MGAT5B: variants seen among roughly 807,000 people sequenced by gnomAD.
MGAT5B encodes alpha-1,6-mannosylglycoprotein 6-beta-N-acetylglucosaminyltransferase B.
A neutral mutation model predicts 95.1 loss-of-function variants in MGAT5B; 54 were observed. The observed-to-expected ratio is 0.57, with a 90% CI of 0.46 to 0.71. The LOEUF (loss-of-function observed/expected upper bound fraction) is 0.71, where lower values mean the gene tolerates loss of function less well. MGAT5B is among the 30% of genes least tolerant of loss of function. MGAT5B has a pLI of 0.00. For missense variants in MGAT5B, 935 were observed against 1,088.6 expected (o/e 0.86, Z 1.99); for synonymous variants, 464 against 451.0 (o/e 1.03, Z -0.36).
intron 3 of MGAT5B, among the ~76,000 whole-genome samples, chr17:76,902,072 G>T (rs1371613738): frequency 1.3e-5 from 2 of 151,980 alleles, no homozygotes; most frequent in Non-Finnish European, 2.9e-5. Flanking sequence ...TTATGGGTAT[G>T]TGTGCAGTTG....
intron 3 of MGAT5B, among the ~76,000 whole-genome samples, chr17:76,898,933 T>C (rs551283794): frequency 2.6e-5 from 4 of 152,308 alleles, no homozygotes; most frequent in Admixed American, 6.5e-5. Context: ...GGCCAGCATC[T>C]GGTTCCACAC....
Position 76,905,372 on chromosome 17 carries a change from A to G in MGAT5B, c.855+39A>G. 1 of 1,525,714 alleles carries G rather than the reference A, an allele frequency of 6.6e-7. No homozygotes were observed. Among genetic ancestry groups the G allele is most frequent in the Non-Finnish European group, 8.8e-7 (1 of 1,132,104 alleles). 94.5% of individuals were successfully genotyped at this position (1,525,714 alleles called of 1,614,324 possible). A position where few individuals can be genotyped will look rare whatever the true frequency, so the allele number is the denominator to read the frequency against. ...GCCCCCTCATGTGCAGGAGCTGAGA[A>G]AGCTCAGGGCCCCCACTTCTGAGTG... On this transcript the variant is annotated intron_variant, in intron 7 of 17. Transcript: ENST00000569840. The surrounding 1 kb of genome is among the most constrained non-coding windows in gnomAD (Gnocchi z 4.2).
chr17:76,898,687 A>AT (rs1038311887), intron 3 of MGAT5B, among the ~76,000 whole-genome samples: 2 of 151,914 alleles, frequency 1.3e-5, no homozygotes, highest in African/African-American at 4.8e-5. Flanking sequence ...GTAGCTTAGT[A>AT]TTTTTTTTAT....
intron 8 of MGAT5B, among the ~76,000 whole-genome samples, chr17:76,909,583 G>A (rs1475083705): frequency 6.6e-6 from 1 of 152,202 alleles, no homozygotes; most frequent in Admixed American, 6.5e-5. Flanking sequence ...ACAGAGCCAT[G>A]GCAATCTTAG....
intron 15 of MGAT5B, among the ~76,000 whole-genome samples, chr17:76,942,690 G>A (rs1363289001): frequency 1.3e-5 from 2 of 152,216 alleles, no homozygotes; most frequent in Non-Finnish European, 2.9e-5. Context: ...GGAAAGAAGA[G>A]TGAAGGGGGT....
intron 3 of MGAT5B, among the ~76,000 whole-genome samples, chr17:76,897,585 T>C (rs1408327068): frequency 6.6e-6 from 1 of 152,140 alleles, no homozygotes; most frequent in African/African-American, 2.4e-5. Flanking sequence ...GTCATTGGAC[T>C]TAGGGTCAGC....
intron 12 of MGAT5B, among the ~76,000 whole-genome samples, chr17:76,934,777 A>G (rs540477059): frequency 4.5e-4 from 68 of 152,310 alleles, no homozygotes; most frequent in South Asian, 1.2e-3. Flanking sequence ...AGAGACCTCA[A>G]AGAAACTGCT....
chr17:76,871,423 C>T (rs987481467), intron 1 of MGAT5B, among the ~76,000 whole-genome samples: 2 of 152,180 alleles, frequency 1.3e-5, no homozygotes, highest in South Asian at 2.1e-4. Flanking sequence ...GTGTGGTCTT[C>T]GAGTCTCTCC....
intron 2 of MGAT5B, among the ~76,000 whole-genome samples, chr17:76,881,601 C>T (rs972501956): frequency 4.6e-5 from 7 of 152,198 alleles, no homozygotes; most frequent in Non-Finnish European, 1.0e-4. Flanking sequence ...GGCCCCGGGT[C>T]CTAGAGAGTT....
chr17:76,872,611 C>A, intron 1 of MGAT5B: 1 of 1,436,700 alleles, frequency 7.0e-7, no homozygotes, highest in South Asian at 1.5e-5. Context: ...CCTAAGTGTG[C>A]GTCATTCTGC....
At chr17:76,941,527 TC>T (rs1347999468) in intron 15 of MGAT5B, among the ~76,000 whole-genome samples, 2 of 152,316 alleles carry the variant, frequency 1.3e-5, no homozygotes, top group South Asian at 4.1e-4. Flanking sequence ...TTCTCCTGGA[TC>T]CCCTTCTTGC....
chr17:76,886,744 C>T (rs969632523), intron 3 of MGAT5B, among the ~76,000 whole-genome samples: 2 of 152,120 alleles, frequency 1.3e-5, no homozygotes, highest in African/African-American at 4.8e-5. Context: ...ACTTTGATGG[C>T]TCTAAAGACC....
At chr17:76,943,447 G>C (rs1404880196) in intron 15 of MGAT5B, among the ~76,000 whole-genome samples, 2 of 152,042 alleles carry the variant, frequency 1.3e-5, no homozygotes, top group African/African-American at 2.4e-5. Context: ...AGTCACCCGG[G>C]GGGAGGGCCT....
chr17:76,946,327 G>C (rs752372250), intron 15 of MGAT5B, 49 bp from the exon 16 acceptor site: 1 of 1,524,868 alleles, frequency 6.6e-7, no homozygotes. Flanking sequence ...CAGGGCCCCC[G>C]ACGGCTGGGC....
At chr17:76,935,879 T>TG (rs1567822939) in intron 12 of MGAT5B, among the ~76,000 whole-genome samples, 1 of 123,496 alleles carries the variant, frequency 8.1e-6, no homozygotes, top group South Asian at 2.4e-4. Context: ...ATTATATATA[T>TG]TATATATTAT....
intron 8 of MGAT5B, chr17:76,923,832 G>A (rs183172259): frequency 4.6e-5 from 7 of 152,336 alleles, no homozygotes; most frequent in Admixed American, 4.6e-4. Flanking sequence ...GGGGTGTTTG[G>A]GGAAGCGGGT....
intron 3 of MGAT5B, among the ~76,000 whole-genome samples, chr17:76,893,475 T>A (rs1303823561): frequency 6.6e-6 from 1 of 152,218 alleles, no homozygotes; most frequent in South Asian, 2.1e-4. Flanking sequence ...GTTCACAGCC[T>A]TCCTCTCTTA....
At chr17:76,911,432 G>T (rs1364082395) in intron 8 of MGAT5B, among the ~76,000 whole-genome samples, 1 of 152,200 alleles carries the variant, frequency 6.6e-6, no homozygotes, top group African/African-American at 2.4e-5. Context: ...GGATACCCTT[G>T]GTTGCTAGAG....
At chr17:76,901,151 G>T (rs1247558123) in intron 3 of MGAT5B, among the ~76,000 whole-genome samples, 2 of 152,156 alleles carry the variant, frequency 1.3e-5, no homozygotes, top group African/African-American at 4.8e-5. Context: ...GAGTGTGATG[G>T]CTGTAGAGGG....
Sources: allele counts gnomAD v4.1 joint callset (sites outside exome capture counted in the v4.1 genomes callset), GRCh38; gene constraint gnomAD v4.1.1; non-coding constraint Gnocchi (gnomAD v3.1); transcripts MANE v1.5; gene names NCBI Gene and HGNC (gene_info 2026-07-23, HGNC 2026-07-21).